The following CNBD1 variants were observed in gnomAD, a reference collection of about 807,000 sequenced individuals.
CNBD1 encodes cyclic nucleotide-binding domain-containing protein 1.
Under a neutral mutation model 54.4 loss-of-function variants are expected in CNBD1, and 71 were observed. That is an observed-to-expected ratio of 1.30 (90% CI 1.08 to 1.59). The LOEUF is 1.59. CNBD1 is among the 40% of genes most tolerant of loss of function. CNBD1 has a pLI of 0.00. For missense variants in CNBD1, 659 were observed against 518.0 expected (o/e 1.27, Z -2.64); for synonymous variants, 182 against 170.7 (o/e 1.07, Z -0.51).
chr8:86,901,311 T>C (rs1215072915), intron 2 of CNBD1, among the ~76,000 whole-genome samples: 4 of 151,990 alleles, frequency 2.6e-5, no homozygotes, highest in Non-Finnish European at 5.9e-5. Flanking sequence ...GTGTAGATGC[T>C]ATGATATTTG....
intron 4 of CNBD1, among the ~76,000 whole-genome samples, chr8:86,962,012 A>G (rs1807940921): frequency 2.0e-5 from 3 of 152,200 alleles, no homozygotes; most frequent in Admixed American, 1.3e-4. Flanking sequence ...GGCAGGTTCT[A>G]TGGCCTAATA....
chr8:87,321,115 C>A (rs1002992625), intron 8 of CNBD1, among the ~76,000 whole-genome samples: 1 of 152,112 alleles, frequency 6.6e-6, no homozygotes, highest in Non-Finnish European at 1.5e-5. Flanking sequence ...TTTCCACCAC[C>A]TGGCCATTGT....
chr8:87,328,702 A>T (rs1015324002), intron 8 of CNBD1, among the ~76,000 whole-genome samples: 1 of 152,144 alleles, frequency 6.6e-6, no homozygotes, highest in African/African-American at 2.4e-5. Context: ...GGTATTTTGG[A>T]CATTTTAACA....
chr8:87,014,564 G>GT (rs1331821794), intron 4 of CNBD1, among the ~76,000 whole-genome samples: 2 of 152,046 alleles, frequency 1.3e-5, no homozygotes, highest in South Asian at 4.1e-4. Context: ...TGCTATCACA[G>GT]TTTTTTGTAA....
intron 4 of CNBD1, among the ~76,000 whole-genome samples, chr8:87,118,458 T>C (rs1343318021): frequency 2.0e-5 from 3 of 151,926 alleles, no homozygotes. Flanking sequence ...TTGAGAAAAT[T>C]TGAAGGAGTG....
chr8:87,302,220 A>T (rs1809015323), intron 8 of CNBD1, among the ~76,000 whole-genome samples: 1 of 152,328 alleles, frequency 6.6e-6, no homozygotes, highest in East Asian at 1.9e-4. Flanking sequence ...CCTGATGAAC[A>T]TCGAAGCAAA....
At chr8:87,147,126 T>G (rs1812506528) in intron 4 of CNBD1, among the ~76,000 whole-genome samples, 1 of 152,282 alleles carries the variant, frequency 6.6e-6, no homozygotes, top group Non-Finnish European at 1.5e-5. Flanking sequence ...CATTAAGATC[T>G]CAGACTAATG....
chr8:87,291,707 C>T (rs1808789505), intron 8 of CNBD1, among the ~76,000 whole-genome samples: 1 of 152,064 alleles, frequency 6.6e-6, no homozygotes. Flanking sequence ...TGGACTCAAA[C>T]TCCTGGGCTC....
intron 10 of CNBD1, 91 bp from the exon 11 acceptor site, chr8:87,382,529 T>C (rs1303881897): frequency 3.5e-5 from 34 of 973,474 alleles, no homozygotes; most frequent in Non-Finnish European, 5.0e-5. Flanking sequence ...GACTCAGCAA[T>C]GTAATTTTAG....
intron 5 of CNBD1, among the ~76,000 whole-genome samples, chr8:87,217,755 T>G (rs964894759): frequency 2.0e-5 from 3 of 152,022 alleles, no homozygotes; most frequent in Non-Finnish European, 4.4e-5. Flanking sequence ...TTGTAGATTA[T>G]TCTCAAGATT....
chr8:87,385,871 A>T (rs918600993), downstream of CNBD1, among the ~76,000 whole-genome samples: 10 of 152,294 alleles, frequency 6.6e-5, no homozygotes, highest in African/African-American at 2.4e-4. Flanking sequence ...AACACCCAGT[A>T]GGGTCAGACT....
chr8:87,283,330 A>AT (rs1231327147), intron 6 of CNBD1, among the ~76,000 whole-genome samples: 3 of 151,492 alleles, frequency 2.0e-5, no homozygotes, highest in East Asian at 1.9e-4. Flanking sequence ...AGGTTGTTCA[A>AT]TTTTTTTCTC....
chr8:87,143,584 TATTG>T (rs1171592532), intron 4 of CNBD1, among the ~76,000 whole-genome samples: 1 of 152,218 alleles, frequency 6.6e-6, no homozygotes. Context: ...TTCACAAGGC[TATTG>T]ATTCTTTCTG....
At chr8:87,425,468 T>C (rs931139399) in intron 2 of CNBD1, among the ~76,000 whole-genome samples, 1 of 152,224 alleles carries the variant, frequency 6.6e-6, no homozygotes, top group Admixed American at 6.5e-5. Context: ...TTTTGGTCTT[T>C]GATGATGGTG....
intron 8 of CNBD1, among the ~76,000 whole-genome samples, chr8:87,336,916 T>C (rs2130915192): frequency 6.6e-6 from 1 of 152,272 alleles, no homozygotes; most frequent in Admixed American, 6.5e-5. Flanking sequence ...GTCATTGCTT[T>C]CTGATTGTTT....
At chr8:87,419,473 A>G (rs1404210367) in intron 2 of CNBD1, among the ~76,000 whole-genome samples, 1 of 151,966 alleles carries the variant, frequency 6.6e-6, no homozygotes, top group Non-Finnish European at 1.5e-5. Context: ...GACAATAAGA[A>G]TGCATAAGAT....
chr8:87,002,459 G>A (rs1269473912), intron 4 of CNBD1, among the ~76,000 whole-genome samples: 1 of 152,084 alleles, frequency 6.6e-6, no homozygotes, highest in African/African-American at 2.4e-5. Flanking sequence ...CCTCCCACAT[G>A]ACTTCACACG....
intron 2 of CNBD1, among the ~76,000 whole-genome samples, chr8:86,904,510 A>G (rs1288264470): frequency 6.6e-6 from 1 of 152,104 alleles, no homozygotes; most frequent in Non-Finnish European, 1.5e-5. Flanking sequence ...GATTTAAAAA[A>G]GAGAAGCCCA....
At chr8:87,352,277 G>A (rs1417088541) in intron 9 of CNBD1, among the ~76,000 whole-genome samples, 4 of 152,094 alleles carry the variant, frequency 2.6e-5, no homozygotes, top group East Asian at 1.9e-4. Context: ...TCAGGAGATC[G>A]AGACCATCCT....
Sources: allele counts gnomAD v4.1 joint callset (sites outside exome capture counted in the v4.1 genomes callset), GRCh38; gene constraint gnomAD v4.1.1; transcripts MANE v1.5; gene names NCBI Gene and HGNC (gene_info 2026-07-23, HGNC 2026-07-21).